The following PSMD1 variants were observed in gnomAD, a reference collection of about 807,000 sequenced individuals.
PSMD1 encodes proteasome 26S subunit, non-ATPase 1.
Under a neutral mutation model 119.0 loss-of-function variants are expected in PSMD1, and 18 were observed. The ratio of observed to expected loss-of-function variants is 0.15; its 90% confidence interval spans 0.10 to 0.22. The LOEUF is 0.22. PSMD1 is among the 10% of genes least tolerant of loss of function. The pLI is 1.00. For synonymous variants in PSMD1, 374 were observed against 396.6 expected (o/e 0.94, Z 0.68); for missense variants, 702 against 1,158.5 (o/e 0.61, Z 5.72).
At chr2:231,079,344 G>A (rs559179942) in intron 10 of PSMD1, among the ~76,000 whole-genome samples, 192 bp from the exon 11 acceptor site, 2 of 151,978 alleles carry the variant, frequency 1.3e-5, no homozygotes, top group East Asian at 1.9e-4. Flanking sequence ...ATTACGTATC[G>A]TGCATTTTAA....
rs1312834643 is a variant in PSMD1 at position 231,066,908 on chromosome 2, A to G, written c.307A>G (p.Lys103Glu). The G allele has an allele frequency of 1.3e-6, 2 of 1,589,212 alleles. No homozygotes were observed. Among genetic ancestry groups the G allele is most frequent in the East Asian group, 4.5e-5 (2 of 44,626 alleles). Reference sequence around the variant, plus strand: ...CAGTTATTTTATTTCCTCAACAGCAAAATGCATTGATCACTACACCAAACA... The same window carrying G: ...CAGTTATTTTATTTCCTCAACAGCAGAATGCATTGATCACTACACCAAACA... ...NSEYVETIIA[K>E]CIDHYTKQCV... The change falls in exon 5 of 25, where the codon AAA becomes GAA. Residue 103 changes from lysine (K) to glutamate (E), a missense_variant and splice_region_variant. Lys to Glu is a moderately conservative substitution (Grantham distance 56). Coordinates refer to ENST00000308696, the MANE Select transcript of PSMD1 (RefSeq NM_002807.4).
intron 17 of PSMD1, chr2:231,139,054 G>A (rs1051259018): frequency 1.1e-5 from 7 of 645,602 alleles, no homozygotes; most frequent in Non-Finnish European, 2.0e-5. Flanking sequence ...ACATTACATG[G>A]ATAGCTGTAA....
intron 17 of PSMD1, among the ~76,000 whole-genome samples, chr2:231,141,910 T>C (rs1471419660): frequency 6.6e-6 from 1 of 151,582 alleles, no homozygotes; most frequent in Non-Finnish European, 1.5e-5. Context: ...TGAGATGGAG[T>C]CTCACTCTGT....
In PSMD1 at chr2:231,089,594, GAT is replaced by G. The variant is rs140932102; in HGVS notation, c.1883+2432_1883+2433del. 1.7e-3 allele frequency among the ~76,000 whole-genome samples: 246 copies of G among 142,656 alleles called. 1 individual carries two copies. Among genetic ancestry groups the G allele is most frequent in the African/African-American group, 3.4e-3 (129 of 37,598 alleles). The allele number at this position is 142,656 out of a possible 152,430, so 93.6% of individuals were successfully genotyped here. A position where few individuals can be genotyped will look rare whatever the true frequency, so the allele number is the denominator to read the frequency against. On this transcript the variant is annotated intron_variant, in intron 16 of 24. Transcript: ENST00000308696. ...TTCCCTAGAGGGACAGAATTAATAG[GAT>G]ATATATATATATATATATGGGAGTT...
At chr2:231,141,840 G>A (rs899098060) in intron 17 of PSMD1, among the ~76,000 whole-genome samples, 1 of 151,962 alleles carries the variant, frequency 6.6e-6, no homozygotes, top group Non-Finnish European at 1.5e-5. Context: ...TCATTACAGA[G>A]TTTTGTTTTT....
intron 16 of PSMD1, among the ~76,000 whole-genome samples, chr2:231,111,984 A>G (rs148287205): frequency 6.6e-6 from 1 of 152,340 alleles, no homozygotes; most frequent in Non-Finnish European, 1.5e-5. Context: ...TGGTCAATTT[A>G]TAAATTGATG....
intron 5 of PSMD1, among the ~76,000 whole-genome samples, chr2:231,069,733 T>C (rs1485168706): frequency 1.3e-5 from 2 of 152,240 alleles, no homozygotes; most frequent in Non-Finnish European, 2.9e-5. Flanking sequence ...ATATCTTTTA[T>C]AATAATTAAC....
At chr2:231,061,427 A>G in intron 2 of PSMD1, 117 bp downstream of exon 2, 1 of 798,494 alleles carries the variant, frequency 1.3e-6, no homozygotes, top group Non-Finnish European at 1.9e-6. Flanking sequence ...GCTTGTACCC[A>G]GTTACTGTAA....
intron 16 of PSMD1, among the ~76,000 whole-genome samples, chr2:231,088,438 T>C (rs545867216): frequency 6.6e-5 from 10 of 152,344 alleles, no homozygotes; most frequent in African/African-American, 2.4e-4. Flanking sequence ...ATCAAGCAAG[T>C]CTACCAAAAC....
chr2:231,112,862 T>G (rs943615194), intron 16 of PSMD1, among the ~76,000 whole-genome samples: 4 of 152,158 alleles, frequency 2.6e-5, no homozygotes. Context: ...CTTAAAACTT[T>G]GAATTAAACA....
intron 6 of PSMD1, among the ~76,000 whole-genome samples, chr2:231,070,711 G>A (rs1176832636): frequency 6.6e-6 from 1 of 152,048 alleles, no homozygotes; most frequent in Non-Finnish European, 1.5e-5. Context: ...CCAAAGGTAA[G>A]ACATAGATGT....
intron 7 of PSMD1, 69 bp from the exon 8 acceptor site, chr2:231,075,442 G>A: frequency 5.3e-6 from 7 of 1,327,152 alleles, no homozygotes; most frequent in Non-Finnish European, 7.4e-6. Flanking sequence ...ATTTGGACAT[G>A]GTTCAGATCT....
At chr2:231,150,692 A>G (rs1166935002) in intron 18 of PSMD1, among the ~76,000 whole-genome samples, 1 of 152,204 alleles carries the variant, frequency 6.6e-6, no homozygotes, top group East Asian at 1.9e-4. Context: ...ATGGATATGT[A>G]TCATGTTAGC....
chr2:231,163,544 G>C lies in PSMD1; in HGVS notation c.2389-91G>C, dbSNP rs558588026. ...CATAACATAGTTGAACATACAGCCT[G>C]CATTAAAACTTTGGTCTCCTTTTGT... On this transcript the variant is annotated intron_variant, in intron 20 of 24. Transcript: ENST00000308696. 8.2e-5 allele frequency: 67 copies of C among 816,004 alleles called. No individual in the cohort carries two copies. The Admixed American group carries it at 9.2e-4, about 11-fold the overall frequency. The allele number at this position is 816,004 out of a possible 1,614,324, so 50.5% of individuals were successfully genotyped here. A position where few individuals can be genotyped will look rare whatever the true frequency, so the allele number is the denominator to read the frequency against.
At chr2:231,065,161 T>A (rs1487428156) in intron 4 of PSMD1, among the ~76,000 whole-genome samples, 1 of 151,300 alleles carries the variant, frequency 6.6e-6, no homozygotes, top group African/African-American at 2.4e-5. Flanking sequence ...CTAATAAATC[T>A]TGCCCTCGTC....
At chr2:231,163,475 A>T in intron 20 of PSMD1, 160 bp from the exon 21 acceptor site, 1 of 545,878 alleles carries the variant, frequency 1.8e-6, no homozygotes, top group South Asian at 3.0e-5. Flanking sequence ...TAAAGAACCT[A>T]AAAACTAAAT....
chr2:231,092,816 G>A (rs928776033), intron 16 of PSMD1, among the ~76,000 whole-genome samples: 11 of 152,168 alleles, frequency 7.2e-5, no homozygotes, highest in South Asian at 4.1e-4. Flanking sequence ...GGAAAGTGGC[G>A]TTGGTTGCAT....
At position 231,081,573 on chromosome 2, in the gene PSMD1, G is replaced by A. The variant is rs114800602; in HGVS notation, c.1413+1259G>A. Among the ~76,000 whole-genome samples the A allele has an allele frequency of 1.8e-3, 269 of 152,288 alleles. 1 individual carries two copies. Among genetic ancestry groups the A allele is most frequent in the African/African-American group, 6.1e-3 (254 of 41,562 alleles). The stretch of plus-strand genomic sequence containing the variant: ...GTTATTCCACTTAAAGATGAAAATC[G>A]CAAAGAAGGAGCATTGTATTGCTCT... On this transcript the variant is annotated intron_variant, in intron 12 of 24. Transcript: ENST00000308696.
Position 231,141,702 on chromosome 2 carries a change from A to G in PSMD1, c.1998+2852A>G, listed in dbSNP as rs561981580. On this transcript the variant is annotated intron_variant, in intron 17 of 24. Transcript: ENST00000308696. The stretch of plus-strand genomic sequence containing the variant: ...CTTATTTATTGTTTGTCTTTGCCGA[A>G]ATGTAAGATCACTGAGAATATAATG... 2.0e-5 allele frequency among the ~76,000 whole-genome samples: 3 copies of G among 152,142 alleles called. No homozygotes were observed. In the South Asian group the frequency reaches 6.2e-4, roughly 32 times the overall value.
Sources: gnomAD v4.1 joint callset for allele counts (sites outside exome capture counted in the v4.1 genomes callset) on GRCh38, gnomAD v4.1.1 for gene constraint, MANE v1.5 for transcripts, NCBI Gene and HGNC (gene_info 2026-07-23, HGNC 2026-07-21) for gene names.